STX16: variants seen among roughly 807,000 people sequenced by gnomAD.
STX16 encodes the protein syntaxin-16.
In STX16, 28 loss-of-function variants were observed where a neutral mutation model predicts 42.7. The observed-to-expected ratio is 0.66, with a 90% CI of 0.49 to 0.90. STX16 has a LOEUF of 0.90. STX16 is among the 40% of genes least tolerant of loss of function. The pLI, the probability that STX16 is intolerant of heterozygous loss-of-function variation, is 0.00. For missense variants in STX16, 361 were observed against 420.9 expected (o/e 0.86, Z 1.24); for synonymous variants, 156 against 155.2 (o/e 1.00, Z -0.04).
intron 2 of STX16, among the ~76,000 whole-genome samples, chr20:58,666,405 T>G: frequency 6.7e-6 from 1 of 148,350 alleles, no homozygotes; most frequent in South Asian, 2.1e-4. Flanking sequence ...TTTCCCTCTG[T>G]TTTTTGTGTG....
chr20:58,665,393 A>T (rs6026436), intron 2 of STX16, among the ~76,000 whole-genome samples: 74,540 of 151,854 alleles, frequency 0.49, 18,768 homozygotes, highest in Non-Finnish European at 0.54. Context: ...AGCAAATTGC[A>T]GTTATAGTTT....
intron 7 of STX16, among the ~76,000 whole-genome samples, chr20:58,672,945 G>A (rs967551351): frequency 1.3e-5 from 2 of 152,198 alleles, no homozygotes; most frequent in Non-Finnish European, 2.9e-5. Context: ...GGAAGATCCA[G>A]TTACATTAAT....
In STX16 at chr20:58,676,439, C is replaced by G. The variant is rs2084129196; in HGVS notation, c.*148C>G. ...GAACCTTTGCATCCACGGACTCCTC[C>G]TTCCCTAGTCCTGCTCAAGCGGTCC... is the stretch of plus-strand genomic sequence containing the variant. On this transcript the variant is annotated 3_prime_UTR_variant, in exon 9 of 9. Transcript: ENST00000371141. The G allele has an allele frequency of 1.5e-6, 1 of 678,480 alleles. No homozygotes were observed. The highest frequency in any genetic ancestry group is 2.6e-6 in the Non-Finnish European group (1 of 379,898). The allele number at this position is 678,480 out of a possible 1,614,324, so 42.0% of individuals were successfully genotyped here. A position where few individuals can be genotyped will look rare whatever the true frequency, so the allele number is the denominator to read the frequency against.
At chr20:58,676,121 A>G (rs1023832052) in intron 8 of STX16, 66 bp from the exon 9 acceptor site, 3 of 1,363,068 alleles carry the variant, frequency 2.2e-6, no homozygotes, top group Non-Finnish European at 3.1e-6. Context: ...TCATTCTGGA[A>G]ACGAGTGGGA....
rs191764196 is a variant in STX16 at position 58,672,354 on chromosome 20, T to A, written c.792+1057T>A. ...TCTCAAAAAATATATATATATATATTGTATAAAATTACTTTCAAGCTATGT... is the reference window on the plus strand; with the variant it reads ...TCTCAAAAAATATATATATATATATAGTATAAAATTACTTTCAAGCTATGT... On this transcript the variant is annotated intron_variant, in intron 7 of 8. Coordinates refer to ENST00000371141, the MANE Select transcript of STX16 (RefSeq NM_001001433.3). 4.6e-3 allele frequency among the ~76,000 whole-genome samples: 701 copies of A among 152,024 alleles called. 3 individuals carry two copies. The highest frequency in any genetic ancestry group is 0.015 in the African/African-American group (636 of 41,474).
At chr20:58,668,670 G>A (rs1211176803) in intron 4 of STX16, among the ~76,000 whole-genome samples, 1 of 151,684 alleles carries the variant, frequency 6.6e-6, no homozygotes, top group Non-Finnish European at 1.5e-5. Flanking sequence ...GCTCTTAGCA[G>A]TTTAACAGTT....
At chr20:58,663,153 A>G (rs754001349) in intron 2 of STX16, among the ~76,000 whole-genome samples, 3 of 152,228 alleles carry the variant, frequency 2.0e-5, no homozygotes, top group Non-Finnish European at 2.9e-5. Context: ...TGTTCTCATT[A>G]CCAATGCGTT....
intron 1 of STX16, among the ~76,000 whole-genome samples, chr20:58,653,569 T>C (rs1350771482): frequency 6.6e-6 from 1 of 152,236 alleles, no homozygotes; most frequent in Non-Finnish European, 1.5e-5. Flanking sequence ...AATGTAAAGA[T>C]GTCTGGTAGC....
In STX16 at chr20:58,677,838, C is replaced by G. The variant is rs532426531; in HGVS notation, c.*1547C>G. 6.6e-6 allele frequency: 1 copy of G among 152,268 alleles called. No homozygotes were observed. The highest frequency in any genetic ancestry group is 1.5e-5 in the Non-Finnish European group (1 of 68,084). The allele number at this position is 152,268 out of a possible 1,614,324, so 9.4% of individuals were successfully genotyped here. On this transcript the variant is annotated 3_prime_UTR_variant, in exon 9 of 9. Coordinates refer to ENST00000371141, the MANE Select transcript of STX16 (RefSeq NM_001001433.3). ...TGTCCAAACCCCTGCCCAGCCTTCC[C>G]TTTCCAAGTTGGTGCCACCTCCAGG...
In STX16 at chr20:58,673,639, C is replaced by T; in HGVS notation, c.801C>T (p.Val267=). The change falls in exon 8 of 9, where the codon GTC becomes GTT. Residue 267 remains valine (V), a synonymous_variant. Coordinates refer to ENST00000371141, the MANE Select transcript of STX16 (RefSeq NM_001001433.3). ...TGTCATTTATTACCTAGGGTACAGT[C>T]CTTGACAGAATTGACTATAACGTTG... ...LGAMIVEQGT[V]LDRIDYNVEQ... is the part of the protein sequence containing the mutation. 9 of 1,611,628 alleles carry T rather than the reference C, an allele frequency of 5.6e-6. No individual in the cohort carries two copies. The highest frequency in any genetic ancestry group is 7.6e-6 in the Non-Finnish European group (9 of 1,177,866).
rs2083883055 is a variant in STX16, at chr20:58,668,192, A to C, written c.393+65A>C. On this transcript the variant is annotated intron_variant, in intron 4 of 8. Transcript: ENST00000371141. ...TTCTCATGGCAATCTCAGAAACTAG[A>C]GTGTTACTCAGAATCAGTCTCCTGG... 8.2e-6 allele frequency: 13 copies of C among 1,583,432 alleles called. No homozygotes were observed. In the South Asian group the frequency reaches 1.3e-4, roughly 15 times the overall value.
At chr20:58,671,324 T>C (rs762802079) in intron 7 of STX16, 27 bp downstream of exon 7, 27 of 1,585,024 alleles carry the variant, frequency 1.7e-5, no homozygotes, top group Non-Finnish European at 2.3e-5. Context: ...TCCTCGTGAA[T>C]AGGTTTTCCT....
chr20:58,651,925 C>A lies in STX16; in HGVS notation c.-82C>A. ...AGCTTCCGTGAAAGGGTGGGCCAGC[C>A]GGGCCACGAGAAAGAAAGTGAATAA... On this transcript the variant is annotated 5_prime_UTR_variant, in exon 1 of 9. Transcript: ENST00000371141. 1.4e-6 allele frequency: 2 copies of A among 1,480,846 alleles called. No individual in the cohort carries two copies. The highest frequency in any genetic ancestry group is 1.9e-6 in the Non-Finnish European group (2 of 1,073,416). The allele number at this position is 1,480,846 out of a possible 1,614,324, so 91.7% of individuals were successfully genotyped here. A position where few individuals can be genotyped will look rare whatever the true frequency, so the allele number is the denominator to read the frequency against.
At chr20:58,673,241 G>C (rs2084023607) in intron 7 of STX16, among the ~76,000 whole-genome samples, 1 of 152,134 alleles carries the variant, frequency 6.6e-6, no homozygotes. Flanking sequence ...GGTGTTCTCT[G>C]CTTACTTGAA....
intron 1 of STX16, among the ~76,000 whole-genome samples, chr20:58,653,810 A>C (rs1215068539): frequency 6.6e-6 from 1 of 151,932 alleles, no homozygotes; most frequent in African/African-American, 2.4e-5. Flanking sequence ...TTCAATTTTT[A>C]ATCATTAAGG....
intron 2 of STX16, among the ~76,000 whole-genome samples, chr20:58,659,975 G>A (rs1224192988): frequency 2.0e-5 from 3 of 152,150 alleles, no homozygotes; most frequent in South Asian, 2.1e-4. Context: ...GAAGTGAGTC[G>A]TGCACTTCCT....
At chr20:58,666,037 C>T (rs564343728) in intron 2 of STX16, among the ~76,000 whole-genome samples, 36 of 152,224 alleles carry the variant, frequency 2.4e-4, no homozygotes, top group African/African-American at 7.5e-4. Context: ...CTAAGTTTTT[C>T]TTTATATGAT....
At position 58,652,330 on chromosome 20, in the gene STX16, G is replaced by C. The variant is rs1600979834; in HGVS notation, c.132+192G>C. 3 of 780,598 alleles carry C rather than the reference G, an allele frequency of 3.8e-6. No homozygotes were observed. The East Asian group carries it at 9.1e-5, about 24-fold the overall frequency. 48.4% of individuals were successfully genotyped at this position (780,598 alleles called of 1,614,324 possible). On this transcript the variant is annotated intron_variant, in intron 1 of 8. Transcript: ENST00000371141. ...GAGGAAGAAGCGGTGCTGTGAGGCC[G>C]CAGCTCCACCTCTGCCCGGTCTTCT...
chr20:58,678,053 C>T lies in STX16; in HGVS notation c.*1762C>T, dbSNP rs965347718. 1 of 152,250 alleles carries T rather than the reference C, an allele frequency of 6.6e-6. No individual in the cohort carries two copies. Among genetic ancestry groups the T allele is most frequent in the Non-Finnish European group, 1.5e-5 (1 of 68,060 alleles). The allele number at this position is 152,250 out of a possible 1,614,324, so 9.4% of individuals were successfully genotyped here. ...TGAGACTTCCGTAGCTGTTGAGAGT[C>T]ACTGCAGGTGTTCTTTCATCCCATC... On this transcript the variant is annotated 3_prime_UTR_variant, in exon 9 of 9. Coordinates refer to ENST00000371141, the MANE Select transcript of STX16 (RefSeq NM_001001433.3).
Sources: allele counts gnomAD v4.1 joint callset (sites outside exome capture counted in the v4.1 genomes callset), GRCh38; gene constraint gnomAD v4.1.1; transcripts MANE v1.5; gene names NCBI Gene and HGNC (gene_info 2026-07-23, HGNC 2026-07-21).